TRAF3: variants seen among roughly 807,000 people sequenced by gnomAD.
TRAF3 encodes the protein TNF receptor-associated factor 3.
In TRAF3, 13 loss-of-function variants were observed where a neutral mutation model predicts 62.3. The ratio of observed to expected loss-of-function variants is 0.21; its 90% CI spans 0.14 to 0.33. The LOEUF is 0.33. Among genes scored for constraint, TRAF3 ranks in the 10% least tolerant of loss-of-function variants. The pLI, the probability that TRAF3 is intolerant of heterozygous loss-of-function variation, is 1.00. For missense variants in TRAF3, 440 were observed against 741.8 expected (o/e 0.59, Z 4.73); for synonymous variants, 269 against 283.4 (o/e 0.95, Z 0.51).
intron 6 of TRAF3, among the ~76,000 whole-genome samples, chr14:102,882,035 C>G (rs889650667): frequency 1.3e-5 from 2 of 152,196 alleles, no homozygotes; most frequent in African/African-American, 4.8e-5. Context: ...ATGAGAGAGA[C>G]AGCCAGATGT....
intron 1 of TRAF3, among the ~76,000 whole-genome samples, chr14:102,779,528 A>C (rs1897185158): frequency 6.6e-6 from 1 of 152,122 alleles, no homozygotes; most frequent in African/African-American, 2.4e-5. Context: ...GAGACATCTG[A>C]GCCTGCGTTG....
chr14:102,809,743 G>C, intron 1 of TRAF3, among the ~76,000 whole-genome samples: 1 of 151,086 alleles, frequency 6.6e-6, no homozygotes, highest in Admixed American at 6.6e-5. Context: ...TGTTAGCCAG[G>C]ATGGTCTCAA....
intron 2 of TRAF3, among the ~76,000 whole-genome samples, chr14:102,864,349 C>T (rs569905715): frequency 5.9e-4 from 90 of 152,072 alleles, no homozygotes; most frequent in African/African-American, 1.7e-3. Context: ...GGGGTTTCAC[C>T]GTGTTAGCCG....
intron 2 of TRAF3, among the ~76,000 whole-genome samples, chr14:102,843,706 G>A (rs142447545): frequency 7.2e-4 from 109 of 152,284 alleles, no homozygotes; most frequent in African/African-American, 2.5e-3. Flanking sequence ...ACTTTGGGCA[G>A]GAGGAGAGGG....
chr14:102,797,223 T>G (rs77613182), intron 1 of TRAF3, among the ~76,000 whole-genome samples: 1 of 152,214 alleles, frequency 6.6e-6, no homozygotes, highest in African/African-American at 2.4e-5. Flanking sequence ...GTCTTAAGCT[T>G]CTTAGGAACT....
At chr14:102,779,060 T>C (rs1445773697) in intron 1 of TRAF3, among the ~76,000 whole-genome samples, 1 of 152,180 alleles carries the variant, frequency 6.6e-6, no homozygotes, top group African/African-American at 2.4e-5. Context: ...ATATGAAAAC[T>C]GGAAAACATC....
intron 10 of TRAF3, among the ~76,000 whole-genome samples, chr14:102,898,797 T>A (rs1027297788): frequency 6.6e-6 from 1 of 152,268 alleles, no homozygotes; most frequent in African/African-American, 2.4e-5. Flanking sequence ...TAGTCGAGTT[T>A]AATCACTCTA....
chr14:102,849,902 C>T (rs535500796), intron 2 of TRAF3, among the ~76,000 whole-genome samples: 25 of 152,314 alleles, frequency 1.6e-4, no homozygotes, highest in African/African-American at 5.5e-4. Context: ...AATTGCCCTG[C>T]TGGGCTTGAT....
chr14:102,833,230 A>G (rs1885761067), intron 2 of TRAF3, among the ~76,000 whole-genome samples: 1 of 152,228 alleles, frequency 6.6e-6, no homozygotes, highest in African/African-American at 2.4e-5. Flanking sequence ...ATGTTGGGTG[A>G]ATGAATGAAT....
chr14:102,824,686 A>G (rs138612761), intron 1 of TRAF3, among the ~76,000 whole-genome samples: 44 of 152,380 alleles, frequency 2.9e-4, no homozygotes, highest in African/African-American at 9.4e-4. Flanking sequence ...AAATTCATGT[A>G]AATGCGCGTT....
At position 102,905,957 on chromosome 14, in the gene TRAF3, T is replaced by G. The variant is rs957509298; in HGVS notation, c.*173T>G. 2.0e-5 allele frequency: 12 copies of G among 586,638 alleles called. No individual in the cohort carries two copies. In the South Asian group the frequency reaches 2.7e-4, roughly 13 times the overall value. 36.3% of individuals were successfully genotyped at this position (586,638 alleles called of 1,614,324 possible). A position where few individuals can be genotyped will look rare whatever the true frequency, so the allele number is the denominator to read the frequency against. On this transcript the variant is annotated 3_prime_UTR_variant, in exon 12 of 12. Coordinates refer to ENST00000392745, the MANE Select transcript of TRAF3 (RefSeq NM_145725.3). ...CACGCGTGAGCACACCTGACACGTTTTATAATAGACTAGCCACACTTCACT... is the reference window on the plus strand; with the variant it reads ...CACGCGTGAGCACACCTGACACGTTGTATAATAGACTAGCCACACTTCACT...
chr14:102,885,826 T>C (rs1889347890), intron 6 of TRAF3, among the ~76,000 whole-genome samples: 1 of 152,156 alleles, frequency 6.6e-6, no homozygotes, highest in Non-Finnish European at 1.5e-5. Flanking sequence ...CTGTGAGTGC[T>C]GTGTGAGTGG....
At chr14:102,837,111 A>C (rs1422730878) in intron 2 of TRAF3, among the ~76,000 whole-genome samples, 1 of 140,524 alleles carries the variant, frequency 7.1e-6, no homozygotes, top group South Asian at 2.2e-4. Flanking sequence ...GAAATTAAGC[A>C]AGTAATTTGT....
chr14:102,821,077 A>G (rs760316710), intron 1 of TRAF3, among the ~76,000 whole-genome samples: 61 of 152,326 alleles, frequency 4.0e-4, no homozygotes, highest in Admixed American at 2.1e-3. Flanking sequence ...AGGGTGAAAT[A>G]GTCTGTTCCT....
At chr14:102,810,197 T>C (rs1434119229) in intron 1 of TRAF3, among the ~76,000 whole-genome samples, 1 of 152,114 alleles carries the variant, frequency 6.6e-6, no homozygotes, top group Non-Finnish European at 1.5e-5. Context: ...ACAACTGTAA[T>C]GTTTGAGCAG....
At chr14:102,798,742 C>T (rs754155460) in intron 1 of TRAF3, among the ~76,000 whole-genome samples, 1 of 152,120 alleles carries the variant, frequency 6.6e-6, no homozygotes, top group South Asian at 2.1e-4. Context: ...CCCAAATGGC[C>T]GGGATTATAG....
rs142439625 is a variant in TRAF3, at chr14:102,886,204, G to T, written c.586G>T (p.Asp196Tyr). 1 of 1,613,126 alleles carries T rather than the reference G, an allele frequency of 6.2e-7. No individual in the cohort carries two copies. The highest frequency in any genetic ancestry group is 8.5e-7 in the Non-Finnish European group (1 of 1,179,628). ...CTCTCTGTAGAAACACGAAGACACC[G>T]ACTGTCCCTGCGTGGTGGTGTCCTG... Reference protein sequence around the residue: ...MIALQKHEDTDCPCVVVSCPH... With the variant: ...MIALQKHEDTYCPCVVVSCPH... Residue 196 changes from aspartate (D) to tyrosine (Y), a missense_variant, in exon 7 of 12, where the codon GAC (aspartate) becomes TAC (tyrosine). Coordinates refer to ENST00000392745, the MANE Select transcript of TRAF3 (RefSeq NM_145725.3).
chr14:102,835,824 T>G (rs930967456), intron 2 of TRAF3, among the ~76,000 whole-genome samples: 1 of 152,168 alleles, frequency 6.6e-6, no homozygotes, highest in Non-Finnish European at 1.5e-5. Flanking sequence ...GTACCTGGGT[T>G]ACAAAGTAAT....
chr14:102,841,039 A>G (rs981338919), intron 2 of TRAF3, among the ~76,000 whole-genome samples: 2 of 152,236 alleles, frequency 1.3e-5, no homozygotes, highest in Non-Finnish European at 2.9e-5. Flanking sequence ...CTAAGTATGT[A>G]AGTGAATGGA....
Sources: gnomAD v4.1 joint callset for allele counts (sites outside exome capture counted in the v4.1 genomes callset) on GRCh38, gnomAD v4.1.1 for gene constraint, MANE v1.5 for transcripts, NCBI Gene and HGNC (gene_info 2026-07-23, HGNC 2026-07-21) for gene names.